The following DNAH14 variants were observed in gnomAD, a reference collection of about 807,000 sequenced individuals.
DNAH14 encodes the protein axonemal beta dynein heavy chain 14.
A neutral mutation model predicts 520.9 loss-of-function variants in DNAH14; 478 were observed. The ratio of observed to expected loss-of-function variants is 0.92; its 90% confidence interval spans 0.85 to 0.99. The LOEUF (loss-of-function observed/expected upper bound fraction) is 0.99. Ranked by LOEUF, DNAH14 falls within the 50% of genes least tolerant of loss-of-function variation. DNAH14 has a pLI of 0.00. For missense variants in DNAH14, 4,831 were observed against 5,234.5 expected (o/e 0.92, Z 2.38); for synonymous variants, 1,581 against 1,757.2 (o/e 0.90, Z 2.51).
intron 55 of DNAH14, among the ~76,000 whole-genome samples, chr1:225,295,837 TG>T (rs1323407093): frequency 2.6e-5 from 4 of 152,188 alleles, no homozygotes; most frequent in Non-Finnish European, 4.4e-5. Context: ...ATGCTGAGAA[TG>T]GGGTGTTGAA....
At chr1:225,194,648 C>T (rs1047357382) in intron 38 of DNAH14, among the ~76,000 whole-genome samples, 1 of 151,900 alleles carries the variant, frequency 6.6e-6, no homozygotes, top group Non-Finnish European at 1.5e-5. Context: ...AAAGCAATTG[C>T]AATGAAACAA....
chr1:225,349,521 T>C (rs2095334813), intron 71 of DNAH14, among the ~76,000 whole-genome samples: 1 of 152,126 alleles, frequency 6.6e-6, no homozygotes, highest in Non-Finnish European at 1.5e-5. Context: ...GCTGAATTAA[T>C]TTAAAAAACA....
chr1:225,377,642 C>T lies in DNAH14; in HGVS notation c.12716+206C>T, dbSNP rs12071961. On this transcript the variant is annotated intron_variant, in intron 79 of 85. Coordinates refer to ENST00000682510, the MANE Select transcript of DNAH14 (RefSeq NM_001367479.1). ...GAGTGTAGTGGTGAGCACCTGTAGT[C>T]CCAGTAACTTGCGAGGCTGAGACCC... Among the ~76,000 whole-genome samples, 922 of 152,052 alleles carry T rather than the reference C, an allele frequency of 6.1e-3. 9 individuals are homozygous for T. Among genetic ancestry groups the T allele is most frequent in the East Asian group, 0.04 (209 of 5,170 alleles).
At chr1:225,217,847 T>A (rs2089586455) in intron 41 of DNAH14, among the ~76,000 whole-genome samples, 1 of 152,154 alleles carries the variant, frequency 6.6e-6, no homozygotes, top group Admixed American at 6.5e-5. Flanking sequence ...CCCTTGGGCT[T>A]CCCGGGTGAG....
chr1:225,020,099 G>A (rs2065542978), intron 10 of DNAH14, among the ~76,000 whole-genome samples: 1 of 151,990 alleles, frequency 6.6e-6, no homozygotes, highest in Non-Finnish European at 1.5e-5. Flanking sequence ...AAACAAGTTT[G>A]ATAGCCTGGT....
chr1:225,344,084 T>G lies in DNAH14; in HGVS notation c.10679-1878T>G, dbSNP rs558569485. ...ACCATTTGTTCCTTGTAGTAGAGTC[T>G]GGGGTATTTTTTAAAGACTGTGATC... On this transcript the variant is annotated intron_variant, in intron 69 of 85. Coordinates refer to ENST00000682510, the MANE Select transcript of DNAH14 (RefSeq NM_001367479.1). Among the ~76,000 whole-genome samples the G allele has an allele frequency of 9.8e-5, 15 of 152,326 alleles. No homozygotes were observed. In the East Asian group the frequency reaches 2.9e-3, roughly 29 times the overall value.
chr1:225,099,124 G>A (rs943187355), intron 22 of DNAH14, among the ~76,000 whole-genome samples: 1 of 152,180 alleles, frequency 6.6e-6, no homozygotes, highest in African/African-American at 2.4e-5. Flanking sequence ...AGAGATATTG[G>A]AAGGGTGCTT....
intron 77 of DNAH14, among the ~76,000 whole-genome samples, chr1:225,368,253 T>C (rs1388265379): frequency 6.6e-6 from 1 of 152,192 alleles, no homozygotes; most frequent in Non-Finnish European, 1.5e-5. Context: ...AAGTACGTAA[T>C]CTATTGGGCA....
chr1:225,174,572 G>A (rs909081642), intron 36 of DNAH14, among the ~76,000 whole-genome samples: 1 of 152,104 alleles, frequency 6.6e-6, no homozygotes, highest in East Asian at 1.9e-4. Context: ...AAAGCTTTTT[G>A]GTGGAGTCGT....
intron 36 of DNAH14, among the ~76,000 whole-genome samples, chr1:225,176,461 G>A (rs138707775): frequency 2.4e-4 from 36 of 152,216 alleles, no homozygotes; most frequent in African/African-American, 6.3e-4. Flanking sequence ...GGTTCACTTC[G>A]TCTAGATTGC....
chr1:224,970,184 G>A (rs1207644197), intron 7 of DNAH14, among the ~76,000 whole-genome samples: 1 of 152,114 alleles, frequency 6.6e-6, no homozygotes, highest in Non-Finnish European at 1.5e-5. Flanking sequence ...CCGCTTCGGG[G>A]GGCGGCTGTA....
intron 8 of DNAH14, among the ~76,000 whole-genome samples, chr1:224,999,503 G>A (rs1378112141): frequency 1.3e-5 from 2 of 151,998 alleles, no homozygotes; most frequent in African/African-American, 4.8e-5. Flanking sequence ...CTGTTGCCTA[G>A]CATATGCCAT....
At chr1:225,316,356 T>C (rs1293218258) in intron 60 of DNAH14, among the ~76,000 whole-genome samples, 1 of 151,666 alleles carries the variant, frequency 6.6e-6, no homozygotes, top group Admixed American at 6.6e-5. Context: ...TCCAGGGGAG[T>C]GAATGGTTCT....
intron 21 of DNAH14, among the ~76,000 whole-genome samples, chr1:225,091,656 T>C (rs542763004): frequency 2.6e-5 from 4 of 152,106 alleles, no homozygotes; most frequent in East Asian, 1.9e-4. Flanking sequence ...ATTGACACTA[T>C]AAAGCAACTA....
intron 22 of DNAH14, among the ~76,000 whole-genome samples, chr1:225,098,892 A>G (rs565898577): frequency 6.6e-6 from 1 of 152,344 alleles, no homozygotes; most frequent in East Asian, 1.9e-4. Flanking sequence ...CATCTATCTA[A>G]TAGGTCTAAA....
chr1:225,009,418 T>C (rs764704858), intron 10 of DNAH14, among the ~76,000 whole-genome samples: 5 of 152,136 alleles, frequency 3.3e-5, no homozygotes, highest in Non-Finnish European at 5.9e-5. Flanking sequence ...TGGTTGTAGA[T>C]GTGTGATGTT....
chr1:225,398,626 T>C lies in DNAH14; in HGVS notation c.13598T>C (p.Met4533Thr), dbSNP rs1182243114. 6 of 1,551,632 alleles carry C rather than the reference T, an allele frequency of 3.9e-6. No homozygotes were observed. The Admixed American group carries it at 1.2e-4, about 30-fold the overall frequency. ...KILEDSLPLE[M>T]CCDFPDIYFL... ...CTGGAAGACTCGCTGCCTCTGGAGA[T>C]GTGCTGTGATTTTCCCGACATATAC... Residue 4533 changes from methionine to threonine, a missense_variant, in exon 85 of 86, where the codon ATG becomes ACG. Physicochemically the swap from Met to Thr is moderately conservative, Grantham distance 81. Coordinates refer to ENST00000682510, the MANE Select transcript of DNAH14 (RefSeq NM_001367479.1).
At chr1:225,226,500 G>A (rs2090549256) in intron 41 of DNAH14, among the ~76,000 whole-genome samples, 1 of 152,218 alleles carries the variant, frequency 6.6e-6, no homozygotes, top group Non-Finnish European at 1.5e-5. Flanking sequence ...AGCCGGAAAA[G>A]TAATGGATTC....
At chr1:225,148,253 A>G (rs1444678621) in intron 31 of DNAH14, among the ~76,000 whole-genome samples, 2 of 152,116 alleles carry the variant, frequency 1.3e-5, no homozygotes, top group East Asian at 3.9e-4. Flanking sequence ...TCCCACCAAC[A>G]GTGTATAAGT....
Sources: allele counts gnomAD v4.1 joint callset (sites outside exome capture counted in the v4.1 genomes callset), GRCh38; gene constraint gnomAD v4.1.1; transcripts MANE v1.5; gene names NCBI Gene and HGNC (gene_info 2026-07-23, HGNC 2026-07-21).